The following PLXNA2 variants were observed in gnomAD, a reference collection of about 807,000 sequenced individuals.
PLXNA2 encodes plexin A2, also known as plexin-A2.
In PLXNA2, 91 loss-of-function variants were observed where a neutral mutation model predicts 193.5. The ratio of observed to expected loss-of-function variants is 0.47; its 90% CI spans 0.40 to 0.56. The LOEUF (loss-of-function observed/expected upper bound fraction) is 0.56, where lower values mean the gene tolerates loss of function less well. PLXNA2 is among the 20% of genes least tolerant of loss of function. The pLI, the probability that PLXNA2 is intolerant of heterozygous loss-of-function variation, is 0.00. For synonymous variants in PLXNA2, 997 were observed against 1,027.3 expected, an observed-to-expected ratio of 0.97 and a Z score of 0.56; for missense variants, 1,995 against 2,503.2, an observed-to-expected ratio of 0.80 and a Z score of 4.33.
intron 9 of PLXNA2, among the ~76,000 whole-genome samples, chr1:208,092,294 A>C (rs1254846950): frequency 6.6e-6 from 1 of 152,176 alleles, no homozygotes; most frequent in African/African-American, 2.4e-5. Context: ...ATTTTTTCTC[A>C]CTTTCTACAA....
chr1:208,027,561 T>G (rs559481099), intron 31 of PLXNA2, among the ~76,000 whole-genome samples: 1 of 152,340 alleles, frequency 6.6e-6, no homozygotes, highest in African/African-American at 2.4e-5. Context: ...GGAAGTGCTA[T>G]GCAAGTGTTA....
chr1:208,223,032 G>A (rs1671390308), intron 1 of PLXNA2, among the ~76,000 whole-genome samples: 1 of 152,102 alleles, frequency 6.6e-6, no homozygotes, highest in African/African-American at 2.4e-5. Flanking sequence ...GGAGCCAGAC[G>A]GTGGTAGGGA....
In PLXNA2 at chr1:208,044,928, A is replaced by G. The variant is rs79340852; in HGVS notation, c.3639+139T>C. The G allele has an allele frequency of 1.2e-4, 135 of 1,157,748 alleles. No individual in the cohort carries two copies. In the African/African-American group the frequency reaches 1.9e-3, roughly 17 times the overall value. 71.7% of individuals were successfully genotyped at this position (1,157,748 alleles called of 1,614,324 possible). On this transcript the variant is annotated intron_variant, in intron 19 of 31. Coordinates refer to ENST00000367033, the MANE Select transcript of PLXNA2 (RefSeq NM_025179.4). This position sits in a 1 kb window ranked among gnomAD's most constrained non-coding sequence, Gnocchi z 4.9. ...TTCTTGTGTTCTCAGCTTATACCCA[A>G]TTTGATGTAGGACCCAGAGATGAGG...
At chr1:208,160,830 G>A (rs1669086652) in intron 3 of PLXNA2, among the ~76,000 whole-genome samples, 1 of 152,220 alleles carries the variant, frequency 6.6e-6, no homozygotes, top group African/African-American at 2.4e-5. Flanking sequence ...ACTGGGCCTT[G>A]TACTATAATA....
intron 1 of PLXNA2, among the ~76,000 whole-genome samples, chr1:208,222,332 G>T (rs1302229978): frequency 6.6e-6 from 1 of 152,150 alleles, no homozygotes; most frequent in African/African-American, 2.4e-5. Context: ...GCCAAAACTT[G>T]CCTAGTCTCT....
intron 4 of PLXNA2, among the ~76,000 whole-genome samples, chr1:208,114,616 T>C (rs537487969): frequency 6.6e-6 from 1 of 152,374 alleles, no homozygotes; most frequent in Admixed American, 6.5e-5. Flanking sequence ...GCAAACACCA[T>C]GGAATGCATC....
chr1:208,075,273 G>A (rs1666110042), intron 12 of PLXNA2, among the ~76,000 whole-genome samples: 1 of 151,318 alleles, frequency 6.6e-6, no homozygotes, highest in Non-Finnish European at 1.5e-5. Flanking sequence ...TCACACCACT[G>A]CACTTCAGCC....
intron 1 of PLXNA2, among the ~76,000 whole-genome samples, chr1:208,240,395 T>C (rs1412926284): frequency 6.6e-6 from 1 of 152,160 alleles, no homozygotes; most frequent in Admixed American, 6.5e-5. Flanking sequence ...TCTGTCTCCA[T>C]AGGGCTCACC....
chr1:208,067,236 C>T (rs973079841), intron 12 of PLXNA2, among the ~76,000 whole-genome samples: 4 of 151,092 alleles, frequency 2.6e-5, no homozygotes, highest in Admixed American at 6.6e-5. Context: ...CCCAGCTACT[C>T]GGGAGGCTGA....
chr1:208,178,997 A>T (rs1477550658), intron 3 of PLXNA2, among the ~76,000 whole-genome samples: 1 of 152,184 alleles, frequency 6.6e-6, no homozygotes, highest in Non-Finnish European at 1.5e-5. Flanking sequence ...GCTACCACAC[A>T]AAGGGGCCTT....
At position 208,030,312 on chromosome 1, in the gene PLXNA2, T is replaced by C. The variant is rs1011816123; in HGVS notation, c.5226-1270A>G. ...CACACCACGATGCCAGGGTAGTCCA[T>C]TTCTATTACTTGGATCTGGCCAGCA... On this transcript the variant is annotated intron_variant, in intron 29 of 31. Transcript: ENST00000367033. 3 of 985,356 alleles carry C rather than the reference T, an allele frequency of 3.0e-6. No individual in the cohort carries two copies. The Admixed American group carries it at 1.8e-4, about 61-fold the overall frequency. The allele number at this position is 985,356 out of a possible 1,614,324, so 61.0% of individuals were successfully genotyped here.
chr1:208,104,359 A>G (rs2102419867), intron 4 of PLXNA2, among the ~76,000 whole-genome samples: 1 of 152,324 alleles, frequency 6.6e-6, no homozygotes, highest in Middle Eastern at 3.4e-3. Flanking sequence ...CTCTGGTGCT[A>G]TGCAACAGAG....
intron 26 of PLXNA2, among the ~76,000 whole-genome samples, chr1:208,035,222 G>T (rs1664634509): frequency 6.6e-6 from 1 of 152,094 alleles, no homozygotes; most frequent in African/African-American, 2.4e-5. Flanking sequence ...CCTCTTAAAG[G>T]TCACATAATT....
chr1:208,138,898 G>A (rs1396019486), intron 4 of PLXNA2, among the ~76,000 whole-genome samples: 1 of 152,138 alleles, frequency 6.6e-6, no homozygotes, highest in Non-Finnish European at 1.5e-5. Flanking sequence ...GTGGTGGCAT[G>A]TACCTGTAAT....
At chr1:208,171,187 G>A (rs1165047185) in intron 3 of PLXNA2, among the ~76,000 whole-genome samples, 1 of 152,232 alleles carries the variant, frequency 6.6e-6, no homozygotes, top group Admixed American at 6.5e-5. Context: ...GAGCAGTGTG[G>A]TGGTAGTGCA....
At chr1:208,096,203 A>T in intron 7 of PLXNA2, 78 bp from the exon 8 acceptor site, 1 of 1,072,266 alleles carries the variant, frequency 9.3e-7, no homozygotes, top group East Asian at 2.4e-5. Flanking sequence ...AATAAAATGT[A>T]AGTCATGAAG....
chr1:208,114,655 T>C (rs1407191418), intron 4 of PLXNA2, among the ~76,000 whole-genome samples: 2 of 152,380 alleles, frequency 1.3e-5, no homozygotes, highest in Non-Finnish European at 2.9e-5. Flanking sequence ...CTTTCCTTTC[T>C]AACCATCCAA....
chr1:208,120,992 G>C (rs1403586266), intron 4 of PLXNA2, among the ~76,000 whole-genome samples: 1 of 152,136 alleles, frequency 6.6e-6, no homozygotes, highest in Non-Finnish European at 1.5e-5. Context: ...GGCCAGCGAA[G>C]GACACAATAT....
rs191535538 is a variant in PLXNA2, at chr1:208,082,181, C to T, written c.2395+231G>A. 7.2e-5 allele frequency among the ~76,000 whole-genome samples: 11 copies of T among 152,288 alleles called. No homozygotes were observed. The highest frequency in any genetic ancestry group is 2.6e-4 in the Admixed American group (4 of 15,304). On this transcript the variant is annotated intron_variant, in intron 11 of 31. Coordinates refer to ENST00000367033, the MANE Select transcript of PLXNA2 (RefSeq NM_025179.4). The surrounding 1 kb of genome is among the most constrained non-coding windows in gnomAD (Gnocchi z 4.2). ...AAAGCCTGCAGGAGCCAAAGAATAA[C>T]GTGGATGGGCCGGCGGCCGCCCAGC...
Sources: gnomAD v4.1 joint callset for allele counts (sites outside exome capture counted in the v4.1 genomes callset) on GRCh38, gnomAD v4.1.1 for gene constraint, Gnocchi (gnomAD v3.1) non-coding constraint, MANE v1.5 for transcripts, NCBI Gene and HGNC (gene_info 2026-07-23, HGNC 2026-07-21) for gene names.